The following DDX56 variants were observed in gnomAD, a reference collection of about 807,000 sequenced individuals.
The protein encoded by DDX56 is probable ATP-dependent RNA helicase DDX56.
In DDX56, 45 loss-of-function variants were observed where a neutral mutation model predicts 61.5. The ratio of observed to expected loss-of-function variants is 0.73; its 90% CI spans 0.58 to 0.94. The LOEUF (loss-of-function observed/expected upper bound fraction) is 0.94. Ranked by LOEUF, DDX56 falls within the 40% of genes least tolerant of loss-of-function variation. The probability of loss-of-function intolerance (pLI) is 0.00; values close to 1 mark genes in which losing one functional copy is unlikely to be tolerated. For missense variants in DDX56, 708 were observed against 690.7 expected (o/e 1.02, Z -0.28); for synonymous variants, 273 against 268.3 (o/e 1.02, Z -0.17).
intron 7 of DDX56, 42 bp from the exon 8 acceptor site, chr7:44,570,170 C>A: frequency 6.2e-7 from 1 of 1,606,836 alleles, no homozygotes; most frequent in South Asian, 1.1e-5. Context: ...TTCCTCTCCT[C>A]TGGGCACGTA....
chr7:44,569,704 G>T, intron 9 of DDX56, 105 bp downstream of exon 9: 1 of 975,446 alleles, frequency 1.0e-6, no homozygotes, highest in Non-Finnish European at 1.6e-6. Context: ...GGTGGAAGTG[G>T]CCTGTCACAC....
In DDX56 at chr7:44,571,697, CT is replaced by C. The variant is rs1463694426; in HGVS notation, c.684del (p.Asp229ThrfsTer28). 6.2e-7 allele frequency: 1 copy of C among 1,613,980 alleles called. No individual in the cohort carries two copies. Among genetic ancestry groups the C allele is most frequent in the Non-Finnish European group, 8.5e-7 (1 of 1,180,046 alleles). ...ACCACCTGAAACTGCTGTAACTGGT[CT>C]GGCCCAGGCAGCTGGGACTCCTGTA... ...LKLQESQLPG[P>X]DQLQQFQVVC... On this transcript the variant is annotated frameshift_variant, in exon 6 of 14. Transcript: ENST00000258772. LOFTEE classifies it high-confidence loss of function.
At chr7:44,570,964 C>G in intron 6 of DDX56, 87 bp from the exon 7 acceptor site, 1 of 1,475,984 alleles carries the variant, frequency 6.8e-7, no homozygotes, top group South Asian at 1.3e-5. Flanking sequence ...AACCATCACC[C>G]TTTCCTTTTT....
At chr7:44,570,632 G>C in intron 7 of DDX56, 126 bp downstream of exon 7, 2 of 1,298,548 alleles carry the variant, frequency 1.5e-6, no homozygotes, top group Non-Finnish European at 2.1e-6. Flanking sequence ...GGGGCTCTCT[G>C]GGCTACACTA....
chr7:44,573,463 G>C (rs1190008576), intron 2 of DDX56, 120 bp downstream of exon 2: 1 of 1,338,374 alleles, frequency 7.5e-7, no homozygotes, highest in South Asian at 1.4e-5. Flanking sequence ...AACAGCACCA[G>C]GTTCTCAGGC....
rs753377319 is a variant in DDX56, at chr7:44,572,669, G to T, written c.459C>A (p.Ser153Arg). The change falls in exon 4 of 14, where the codon AGC becomes AGA. Residue 153 changes from serine (S) to arginine (R), a missense_variant. By Grantham distance (110) the Ser-to-Arg change is moderately radical. Coordinates refer to ENST00000258772, the MANE Select transcript of DDX56 (RefSeq NM_019082.4). ...GCTCCAGGGAGTCACGAAGTTTCAG[G>T]CTGTCTTGCTGCAAGTGGCTTAATA... ...SRILSHLQQD[S>R]LKLRDSLELL... 9 of 1,614,204 alleles carry T rather than the reference G, an allele frequency of 5.6e-6. No individual in the cohort carries two copies. The highest frequency in any genetic ancestry group is 7.6e-6 in the Non-Finnish European group (9 of 1,180,044).
In DDX56 at chr7:44,566,628, G is replaced by A. The variant is rs961814343; in HGVS notation, c.1490-104C>T. The A allele has an allele frequency of 2.5e-5, 21 of 856,702 alleles. No individual in the cohort carries two copies. In the East Asian group the frequency reaches 4.6e-4, roughly 19 times the overall value. The allele number at this position is 856,702 out of a possible 1,614,324, so 53.1% of individuals were successfully genotyped here. A position where few individuals can be genotyped will look rare whatever the true frequency, so the allele number is the denominator to read the frequency against. Reference sequence around the variant, plus strand: ...TTCTCCAATTCTGACCCAACTGGCAGCCTATGACATACATCTATTCACTAC... The same window carrying A: ...TTCTCCAATTCTGACCCAACTGGCAACCTATGACATACATCTATTCACTAC... On this transcript the variant is annotated intron_variant, in intron 12 of 13. Transcript: ENST00000258772.
intron 12 of DDX56, among the ~76,000 whole-genome samples, chr7:44,567,172 G>T (rs7792931): frequency 0.088 from 13,258 of 151,498 alleles, 1,165 homozygotes; most frequent in East Asian, 0.43. Flanking sequence ...TGTCCCATGG[G>T]AACCCGGCCC....
rs193242483 is a variant in DDX56 at position 44,572,796 on chromosome 7, C to A, written c.384-52G>T. On this transcript the variant is annotated intron_variant, in intron 3 of 13. Transcript: ENST00000258772. ...AGGCAGAATGTAGCAGCTGGGATCT[C>A]ACCCTGGATTTGCTCTCTTTTTTGC... 1,356 of 1,608,666 alleles carry A rather than the reference C, an allele frequency of 8.4e-4. 2 individuals are homozygous for A. The highest frequency in any genetic ancestry group is 1.0e-3 in the Non-Finnish European group (1,234 of 1,175,724).
At chr7:44,570,633 G>A (rs939958943) in intron 7 of DDX56, 125 bp downstream of exon 7, 1 of 1,310,574 alleles carries the variant, frequency 7.6e-7, no homozygotes, top group South Asian at 1.5e-5. Context: ...GGGCTCTCTG[G>A]GCTACACTAC....
intron 4 of DDX56, 29 bp from the exon 5 acceptor site, chr7:44,572,466 AGCTCCAAGG>A: frequency 6.2e-6 from 10 of 1,613,524 alleles, no homozygotes; most frequent in Non-Finnish European, 8.5e-6. Flanking sequence ...ATCAGATTCC[AGCTCCAAGG>A]GCCGCTAATT....
At chr7:44,571,399 C>G (rs1236052013) in intron 6 of DDX56, 93 bp downstream of exon 6, 13 of 1,472,394 alleles carry the variant, frequency 8.8e-6, no homozygotes, top group Non-Finnish European at 1.2e-5. Flanking sequence ...GAACCTGGCC[C>G]CTACTAAGTG....
chr7:44,571,939 A>T (rs1049079147), intron 5 of DDX56, among the ~76,000 whole-genome samples: 1 of 152,240 alleles, frequency 6.6e-6, no homozygotes, highest in Non-Finnish European at 1.5e-5. Flanking sequence ...TACCATATAA[A>T]CCATATATAA....
Position 44,569,798 on chromosome 7 carries a change from C to G in DDX56, c.1219+11G>C. 1 of 1,600,850 alleles carries G rather than the reference C, an allele frequency of 6.2e-7. No homozygotes were observed. The highest frequency in any genetic ancestry group is 8.5e-7 in the Non-Finnish European group (1 of 1,171,624). ...GACCCTGGCCCAGGACCACAAGAGC[C>G]AGGCTCTTACCTCCACTGAGAAGCT... On this transcript the variant is annotated intron_variant, in intron 9 of 13. Coordinates refer to ENST00000258772, the MANE Select transcript of DDX56 (RefSeq NM_019082.4).
chr7:44,568,095 C>G, intron 12 of DDX56, 23 bp downstream of exon 12: 1 of 1,582,412 alleles, frequency 6.3e-7, no homozygotes, highest in Non-Finnish European at 8.7e-7. Flanking sequence ...CTGCTGCCTC[C>G]TGCCCTGTCA....
rs1802604967 is a variant in DDX56, at chr7:44,568,933, C to T, written c.1353G>A (p.Lys451=). 8 of 1,614,124 alleles carry T rather than the reference C, an allele frequency of 5.0e-6. No individual in the cohort carries two copies. The highest frequency in any genetic ancestry group is 4.5e-5 in the East Asian group (2 of 44,856). Residue 451 remains lysine (K), a synonymous_variant, in exon 11 of 14, where the codon AAG becomes AAA. Transcript: ENST00000258772. ...AIREARLKEI[K]EELLHSEKLK... ...GCTTCTCAGAATGCAGAAGCTCTTC[C>T]TTGATCTCCTTCAATCTTGCCTCCC...
chr7:44,568,502 T>C (rs1802595559), intron 11 of DDX56, among the ~76,000 whole-genome samples: 3 of 152,126 alleles, frequency 2.0e-5, no homozygotes, highest in Non-Finnish European at 4.4e-5. Flanking sequence ...CCTTCGGCTC[T>C]GAATGCACCT....
At chr7:44,573,153 T>C in intron 2 of DDX56, 103 bp from the exon 3 acceptor site, 1 of 1,069,414 alleles carries the variant, frequency 9.4e-7, no homozygotes, top group South Asian at 1.6e-5. Context: ...GCAACACTAC[T>C]TAGCAGTACT....
rs1419730871 is a variant in DDX56 at position 44,573,692 on chromosome 7, A to G, written c.113T>C (p.Ile38Thr). ...SRPTLIQEKA[I>T]PLALEGKDLL... ...GTCCTTCCCTTCTAGGGCCAGTGGGATGGCCTTCTCCTGGATCAGCGTAGG... is the reference window on the plus strand; with the variant it reads ...GTCCTTCCCTTCTAGGGCCAGTGGGGTGGCCTTCTCCTGGATCAGCGTAGG... The change falls in exon 2 of 14, where the codon ATC (isoleucine) becomes ACC (threonine). Residue 38 changes from isoleucine to threonine, a missense_variant. Ile to Thr is a moderately conservative substitution (Grantham distance 89, BLOSUM62 -1). Coordinates refer to ENST00000258772, the MANE Select transcript of DDX56 (RefSeq NM_019082.4). The G allele has an allele frequency of 4.3e-6, 7 of 1,613,610 alleles. No individual in the cohort carries two copies. The highest frequency in any genetic ancestry group is 5.9e-6 in the Non-Finnish European group (7 of 1,180,038).
Sources: gnomAD v4.1 joint callset for allele counts (sites outside exome capture counted in the v4.1 genomes callset) on GRCh38, gnomAD v4.1.1 for gene constraint, MANE v1.5 for transcripts, NCBI Gene and HGNC (gene_info 2026-07-23, HGNC 2026-07-21) for gene names.